Variants in MYO16 observed in about 807,000 individuals in gnomAD.
MYO16 encodes myosin XVI, also known as unconventional myosin-XVI.
A neutral mutation model predicts 205.3 loss-of-function variants in MYO16; 94 were observed. The ratio of observed to expected loss-of-function variants is 0.46; its 90% CI spans 0.39 to 0.54. MYO16 has a LOEUF of 0.54. MYO16 is among the 20% of genes least tolerant of loss of function. The probability of loss-of-function intolerance (pLI) is 0.00; values close to 1 mark genes in which losing one functional copy is unlikely to be tolerated. For missense variants in MYO16, 2,315 were observed against 2,387.5 expected (o/e 0.97, Z 0.63); for synonymous variants, 988 against 954.0 (o/e 1.04, Z -0.66).
At chr13:108,807,699 G>T (rs958202805) in intron 7 of MYO16, among the ~76,000 whole-genome samples, 9 of 152,126 alleles carry the variant, frequency 5.9e-5, no homozygotes, top group African/African-American at 1.9e-4. Context: ...GCCGTCCATT[G>T]TACTGTCTCC....
At chr13:109,046,766 G>C in intron 23 of MYO16, 150 bp from the exon 24 acceptor site, 1 of 617,296 alleles carries the variant, frequency 1.6e-6, no homozygotes, top group Non-Finnish European at 2.9e-6. Context: ...TTATAGCTTG[G>C]AACTTGCATG....
At chr13:108,683,533 T>C (rs1220632102) in intron 2 of MYO16, among the ~76,000 whole-genome samples, 1 of 152,216 alleles carries the variant, frequency 6.6e-6, no homozygotes, top group Non-Finnish European at 1.5e-5. Context: ...TTATGCAGAA[T>C]TGGTGTGTTA....
At chr13:109,160,142 T>C (rs1049544212) in intron 32 of MYO16, among the ~76,000 whole-genome samples, 5 of 152,212 alleles carry the variant, frequency 3.3e-5, no homozygotes, top group Non-Finnish European at 5.9e-5. Flanking sequence ...CATCGCCCGG[T>C]TGTGACAACT....
intron 9 of MYO16, among the ~76,000 whole-genome samples, chr13:108,838,002 G>GA (rs888215514): frequency 4.0e-5 from 6 of 151,838 alleles, no homozygotes; most frequent in Non-Finnish European, 5.9e-5. Context: ...TGATAAAGAA[G>GA]AAAAAAATAT....
intron 16 of MYO16, among the ~76,000 whole-genome samples, chr13:108,930,473 A>G (rs1290285082): frequency 6.6e-6 from 1 of 152,238 alleles, no homozygotes; most frequent in Non-Finnish European, 1.5e-5. Context: ...GATCAATCAT[A>G]GGAAATTTAA....
At chr13:108,811,900 C>T (rs1254220168) in intron 7 of MYO16, among the ~76,000 whole-genome samples, 1 of 152,180 alleles carries the variant, frequency 6.6e-6, no homozygotes, top group Admixed American at 6.5e-5. Flanking sequence ...CATAGTCATA[C>T]TGTGTCAACA....
the MYO16 span, among the ~76,000 whole-genome samples, chr13:108,496,148 C>A: frequency 1.3e-5 from 2 of 152,058 alleles, no homozygotes; most frequent in Non-Finnish European, 2.9e-5. Flanking sequence ...GGAGGCTTGT[C>A]GGTCCCTTCC....
chr13:108,910,724 C>T (rs1881215435), intron 16 of MYO16, among the ~76,000 whole-genome samples: 2 of 152,160 alleles, frequency 1.3e-5, no homozygotes, highest in Non-Finnish European at 2.9e-5. Context: ...TAGTGTGTCT[C>T]TGCCACAGGG....
intron 31 of MYO16, among the ~76,000 whole-genome samples, chr13:109,135,244 G>GCAC (rs1234826446): frequency 6.6e-6 from 1 of 152,172 alleles, no homozygotes. Flanking sequence ...TAGCAGTTGT[G>GCAC]AACAAGAGCT....
chr13:108,940,096 C>G (rs1306809478), intron 16 of MYO16, among the ~76,000 whole-genome samples: 2 of 152,064 alleles, frequency 1.3e-5, no homozygotes, highest in Non-Finnish European at 2.9e-5. Context: ...GTAAACTCTT[C>G]CCATGAAATT....
chr13:108,569,098 G>A, the MYO16 span, among the ~76,000 whole-genome samples: 5 of 152,122 alleles, frequency 3.3e-5, no homozygotes, highest in Non-Finnish European at 2.9e-5. Flanking sequence ...AATGTGAGCT[G>A]TGCTCCAACA....
intron 23 of MYO16, among the ~76,000 whole-genome samples, chr13:109,022,257 A>C: frequency 1.5e-5 from 2 of 131,322 alleles, no homozygotes; most frequent in South Asian, 2.2e-4. Flanking sequence ...ATATACAAAT[A>C]TATATACATA....
At chr13:108,508,476 T>C in the MYO16 span, among the ~76,000 whole-genome samples, 1 of 150,868 alleles carries the variant, frequency 6.6e-6, no homozygotes, top group African/African-American at 2.4e-5. Context: ...TTGTTGCTGC[T>C]TCAGCAAGCC....
At chr13:108,681,722 TTC>T (rs1196903019) in intron 2 of MYO16, among the ~76,000 whole-genome samples, 9 of 152,204 alleles carry the variant, frequency 5.9e-5, no homozygotes, top group African/African-American at 2.2e-4. Context: ...AGAGTTTTGT[TTC>T]TCTCCTAAGA....
intron 13 of MYO16, among the ~76,000 whole-genome samples, chr13:108,886,278 C>A (rs1430598081): frequency 1.3e-5 from 2 of 151,950 alleles, no homozygotes; most frequent in African/African-American, 4.8e-5. Flanking sequence ...TGAGCCACCG[C>A]GCCCGGCCCT....
chr13:109,052,530 G>T, intron 25 of MYO16, 55 bp downstream of exon 25: 3 of 1,368,024 alleles, frequency 2.2e-6, no homozygotes, highest in Non-Finnish European at 2.0e-6. Context: ...AAGTATATTT[G>T]CTTCTTTTTT....
chr13:108,733,358 A>T (rs1379520479), intron 4 of MYO16, among the ~76,000 whole-genome samples: 4 of 152,192 alleles, frequency 2.6e-5, no homozygotes, highest in Non-Finnish European at 5.9e-5. Flanking sequence ...GAATTCTATT[A>T]TGAAAGTGCC....
intron 32 of MYO16, among the ~76,000 whole-genome samples, chr13:109,146,821 AAGAAAGAG>A (rs958022123): frequency 6.6e-6 from 1 of 152,046 alleles, no homozygotes; most frequent in African/African-American, 2.4e-5. Flanking sequence ...GAGAGAAAGA[AAGAAAGAG>A]AGAAAGAGAA....
chr13:108,759,313 G>A (rs1261804014), intron 4 of MYO16, among the ~76,000 whole-genome samples: 2 of 152,164 alleles, frequency 1.3e-5, no homozygotes, highest in African/African-American at 4.8e-5. Context: ...AGGAATTGCT[G>A]TTTTACAAAA....
Sources: gnomAD v4.1 joint callset for allele counts (sites outside exome capture counted in the v4.1 genomes callset) on GRCh38, gnomAD v4.1.1 for gene constraint, MANE v1.5 for transcripts, NCBI Gene and HGNC (gene_info 2026-07-23, HGNC 2026-07-21) for gene names.